Variants in ZDHHC14 observed in about 807,000 individuals in gnomAD.
ZDHHC14 encodes the protein palmitoyltransferase ZDHHC14.
ZDHHC14 carries 16 observed loss-of-function variants against 47.7 expected under a neutral mutation model. That is an observed-to-expected ratio of 0.34 (90% CI 0.23 to 0.51). The LOEUF (loss-of-function observed/expected upper bound fraction) is 0.51, where lower values mean the gene tolerates loss of function less well. Among genes scored for constraint, ZDHHC14 ranks in the 20% least tolerant of loss-of-function variants. The pLI, the probability that ZDHHC14 is intolerant of heterozygous loss-of-function variation, is 0.97. For synonymous variants in ZDHHC14, 293 were observed against 278.9 expected, an observed-to-expected ratio of 1.05 and a Z score of -0.50; for missense variants, 515 against 662.5, an observed-to-expected ratio of 0.78 and a Z score of 2.44.
At chr6:157,642,194 A>T (rs1349309338) in intron 5 of ZDHHC14, among the ~76,000 whole-genome samples, 1 of 152,246 alleles carries the variant, frequency 6.6e-6, no homozygotes. Context: ...AATTCTGGAC[A>T]TGTAACATAT....
chr6:157,572,633 A>T (rs1040165488), intron 2 of ZDHHC14, among the ~76,000 whole-genome samples: 3 of 136,802 alleles, frequency 2.2e-5, no homozygotes, highest in Non-Finnish European at 4.7e-5. Flanking sequence ...TCCTAATGCT[A>T]TCCCTCCCCC....
intron 1 of ZDHHC14, among the ~76,000 whole-genome samples, chr6:157,495,587 T>A (rs1371249182): frequency 6.6e-6 from 1 of 151,644 alleles, no homozygotes; most frequent in South Asian, 2.1e-4. Flanking sequence ...GGAGGGTACA[T>A]GACATTTCAT....
intron 1 of ZDHHC14, among the ~76,000 whole-genome samples, chr6:157,515,096 G>A (rs1029266401): frequency 6.6e-6 from 1 of 152,168 alleles, no homozygotes; most frequent in African/African-American, 2.4e-5. Context: ...TTGAATCTGT[G>A]GCTAGAAGGT....
chr6:157,466,144 C>G lies in ZDHHC14; in HGVS notation c.246-76441C>G, dbSNP rs557365392. ...CTACCTTGGCCTGATCCTCAGCTGC[C>G]TCTCTGAGCGCACTCATGCTTCTCT... On this transcript the variant is annotated intron_variant, in intron 1 of 8. Transcript: ENST00000359775. 2.0e-5 allele frequency among the ~76,000 whole-genome samples: 3 copies of G among 152,330 alleles called. No individual in the cohort carries two copies. In the South Asian group the frequency reaches 6.2e-4, roughly 32 times the overall value.
In ZDHHC14 at chr6:157,385,849, T is replaced by C. The variant is rs546849030; in HGVS notation, c.245+3583T>C. 2.0e-4 allele frequency among the ~76,000 whole-genome samples: 30 copies of C among 152,350 alleles called. 1 individual carries two copies. The South Asian group carries it at 4.6e-3, about 23-fold the overall frequency. On this transcript the variant is annotated intron_variant, in intron 1 of 8. Transcript: ENST00000359775. ...GCATGGATTTTGGAAGGACAGACCC[T>C]AAGATTATTACTAGCACTATAACCC...
At chr6:157,420,691 C>T (rs746318107) in intron 1 of ZDHHC14, among the ~76,000 whole-genome samples, 2 of 152,354 alleles carry the variant, frequency 1.3e-5, no homozygotes, top group African/African-American at 2.4e-5. Flanking sequence ...AAGTAGGTTG[C>T]TCTCTACGAG....
intron 3 of ZDHHC14, among the ~76,000 whole-genome samples, chr6:157,595,791 A>G (rs1784104865): frequency 6.6e-6 from 1 of 152,198 alleles, no homozygotes; most frequent in African/African-American, 2.4e-5. Flanking sequence ...CCACCAGGCT[A>G]TAATAGGCCA....
At chr6:157,561,114 G>A (rs1454450543) in intron 2 of ZDHHC14, among the ~76,000 whole-genome samples, 6 of 152,230 alleles carry the variant, frequency 3.9e-5, no homozygotes, top group Non-Finnish European at 8.8e-5. Context: ...TGTGCAAGGC[G>A]GTCCTTTATT....
chr6:157,486,930 C>T (rs1335692486), intron 1 of ZDHHC14, among the ~76,000 whole-genome samples: 1 of 152,170 alleles, frequency 6.6e-6, no homozygotes, highest in Non-Finnish European at 1.5e-5. Context: ...GCACCTATGG[C>T]AGTGGCTGCT....
At chr6:157,531,196 C>T (rs1292365980) in intron 1 of ZDHHC14, among the ~76,000 whole-genome samples, 1 of 152,150 alleles carries the variant, frequency 6.6e-6, no homozygotes, top group Non-Finnish European at 1.5e-5. Context: ...GATTCCACAA[C>T]ATTCAATTCA....
intron 1 of ZDHHC14, among the ~76,000 whole-genome samples, chr6:157,434,988 T>C (rs888065283): frequency 6.6e-6 from 1 of 152,232 alleles, no homozygotes; most frequent in Non-Finnish European, 1.5e-5. Context: ...GGGAGACTTA[T>C]TTGTTTTGAC....
chr6:157,489,072 C>T (rs1338432284), intron 1 of ZDHHC14, among the ~76,000 whole-genome samples: 1 of 152,228 alleles, frequency 6.6e-6, no homozygotes, highest in Non-Finnish European at 1.5e-5. Flanking sequence ...GGGCTTCCAT[C>T]AGCAGATCTG....
chr6:157,583,706 C>T (rs916817282), intron 2 of ZDHHC14, among the ~76,000 whole-genome samples: 1 of 152,104 alleles, frequency 6.6e-6, no homozygotes, highest in East Asian at 1.9e-4. Flanking sequence ...GCTCCTCTCC[C>T]ACTTAGGTGC....
intron 1 of ZDHHC14, among the ~76,000 whole-genome samples, chr6:157,473,423 T>C (rs1779401199): frequency 6.6e-6 from 1 of 152,272 alleles, no homozygotes; most frequent in African/African-American, 2.4e-5. Context: ...TTTGTCTTTC[T>C]GTGCCTGGTT....
intron 2 of ZDHHC14, among the ~76,000 whole-genome samples, chr6:157,563,727 T>G (rs1225965545): frequency 3.3e-5 from 5 of 152,248 alleles, no homozygotes; most frequent in Admixed American, 3.3e-4. Flanking sequence ...GGATTGCAGA[T>G]GTCCAGACCT....
intron 2 of ZDHHC14, among the ~76,000 whole-genome samples, chr6:157,548,967 G>T (rs190788744): frequency 6.6e-6 from 1 of 152,224 alleles, no homozygotes; most frequent in Non-Finnish European, 1.5e-5. Flanking sequence ...ATGTGGCCGC[G>T]GCATTTGCCC....
chr6:157,628,721 G>A (rs1785538636), intron 4 of ZDHHC14: 1 of 516,432 alleles, frequency 1.9e-6, no homozygotes, highest in Admixed American at 3.7e-5. Flanking sequence ...CTTTCCAGGG[G>A]TCGCACCTAG....
chr6:157,531,144 C>T (rs1781348828), intron 1 of ZDHHC14, among the ~76,000 whole-genome samples: 1 of 152,050 alleles, frequency 6.6e-6, no homozygotes, highest in Non-Finnish European at 1.5e-5. Flanking sequence ...CTTTGCAGTT[C>T]GCCACCAAAC....
At chr6:157,651,106 G>A (rs1777813778) in intron 7 of ZDHHC14, among the ~76,000 whole-genome samples, 1 of 152,246 alleles carries the variant, frequency 6.6e-6, no homozygotes, top group African/African-American at 2.4e-5. Flanking sequence ...AGTTTCCTAG[G>A]GCACTGCAGT....
Sources: gnomAD v4.1 joint callset for allele counts (sites outside exome capture counted in the v4.1 genomes callset) on GRCh38, gnomAD v4.1.1 for gene constraint, MANE v1.5 for transcripts, NCBI Gene and HGNC (gene_info 2026-07-23, HGNC 2026-07-21) for gene names.